The following ZNF469 variants were observed in gnomAD, a reference collection of about 807,000 sequenced individuals.
ZNF469 encodes zinc finger protein 469.
In ZNF469, 1 loss-of-function variant was observed where a neutral mutation model predicts 1.0. The ratio of observed to expected loss-of-function variants is 1.00; its 90% CI spans 0.35 to 4.73. ZNF469 has a LOEUF of 4.73. Ranked by LOEUF, ZNF469 falls within the 30% of genes most tolerant of loss-of-function variation. ZNF469 has a pLI of 0.16. For missense variants in ZNF469, 6,100 were observed against 5,356.3 expected (o/e 1.14, Z -4.33); for synonymous variants, 2,703 against 2,363.4 (o/e 1.14, Z -4.17).
chr16:88,142,392 G>A, the ZNF469 span, among the ~76,000 whole-genome samples: 15 of 152,340 alleles, frequency 9.8e-5, no homozygotes, highest in African/African-American at 3.6e-4. Flanking sequence ...TGGCGGGCCA[G>A]AATCCTGCGA....
At chr16:88,284,938 G>A in the ZNF469 span, among the ~76,000 whole-genome samples, 4,026 of 152,356 alleles carry the variant, frequency 0.026, 197 homozygotes, top group East Asian at 0.16. Context: ...ATTTTGTTTT[G>A]TGCTGATTGC....
chr16:88,321,208 T>A, the ZNF469 span, among the ~76,000 whole-genome samples: 1 of 152,204 alleles, frequency 6.6e-6, no homozygotes, highest in Non-Finnish European at 1.5e-5. Context: ...CCACCTTGGG[T>A]TTCCCCCTCG....
the ZNF469 span, among the ~76,000 whole-genome samples, chr16:88,305,638 A>G: frequency 6.6e-6 from 1 of 151,738 alleles, no homozygotes; most frequent in African/African-American, 2.4e-5. Flanking sequence ...ACACATTCTC[A>G]CAGGCACACA....
chr16:88,165,933 GGT>G, the ZNF469 span, among the ~76,000 whole-genome samples: 1 of 152,108 alleles, frequency 6.6e-6, no homozygotes. Context: ...ATCCACATGG[GGT>G]GTGTCAGAAT....
chr16:88,160,247 G>A, the ZNF469 span, among the ~76,000 whole-genome samples: 1 of 152,220 alleles, frequency 6.6e-6, no homozygotes, highest in African/African-American at 2.4e-5. Context: ...CAAAGAGACG[G>A]CAAATATCAG....
At position 88,436,057 on chromosome 16, in the gene ZNF469, T is replaced by C; in HGVS notation, c.8587T>C (p.Phe2863Leu). Reference sequence around the variant, plus strand: ...TGATGAGGTCTCTTTCTCCCAGCTCTTCCCTCCAGGCGGTCGCTTGACTAG... The same window carrying C: ...TGATGAGGTCTCTTTCTCCCAGCTCCTCCCTCCAGGCGGTCGCTTGACTAG... ...FDDEVSFSQL[F>L]PPGGRLTRKR... Residue 2863 changes from phenylalanine (F) to leucine (L), a missense_variant, in exon 3 of 3, where the codon TTC (phenylalanine) becomes CTC (leucine). Phe to Leu is a conservative substitution (Grantham distance 22, BLOSUM62 0). Coordinates refer to ENST00000565624, the MANE Select transcript of ZNF469 (RefSeq NM_001367624.2). 1 of 1,549,810 alleles carries C rather than the reference T, an allele frequency of 6.5e-7. No individual in the cohort carries two copies. Among genetic ancestry groups the C allele is most frequent in the Non-Finnish European group, 8.7e-7 (1 of 1,146,588 alleles).
the ZNF469 span, among the ~76,000 whole-genome samples, chr16:88,151,466 A>G: frequency 6.6e-6 from 1 of 152,100 alleles, no homozygotes. The surrounding 1 kb of genome is among the most constrained non-coding windows in gnomAD (Gnocchi z 5.4). Flanking sequence ...CTTCCAACCA[A>G]TTTCGCTTTG....
the ZNF469 span, among the ~76,000 whole-genome samples, chr16:88,271,127 T>C: frequency 6.6e-6 from 1 of 151,894 alleles, no homozygotes; most frequent in African/African-American, 2.4e-5. Flanking sequence ...ACCTGCCTTA[T>C]AGGGTTGTTG....
the ZNF469 span, among the ~76,000 whole-genome samples, chr16:88,199,812 A>G: frequency 2.3e-4 from 35 of 152,124 alleles, no homozygotes; most frequent in Non-Finnish European, 4.7e-4. Context: ...CCCACCTGGG[A>G]GTCAGGATGG....
At chr16:88,237,816 C>T in the ZNF469 span, among the ~76,000 whole-genome samples, 1 of 151,760 alleles carries the variant, frequency 6.6e-6, no homozygotes, top group Non-Finnish European at 1.5e-5. Context: ...CCTCCCTGCA[C>T]TCTGTGCTCC....
chr16:88,230,898 A>AT, the ZNF469 span, among the ~76,000 whole-genome samples: 1,524 of 152,176 alleles, frequency 0.01, 24 homozygotes, highest in African/African-American at 0.034. Context: ...TCACAGCGGG[A>AT]GCTGTCAGCA....
chr16:88,347,603 G>A, the ZNF469 span, among the ~76,000 whole-genome samples: 7 of 152,180 alleles, frequency 4.6e-5, no homozygotes, highest in African/African-American at 1.7e-4. Flanking sequence ...GTGATACTTG[G>A]TTATCATGGC....
At chr16:88,147,025 T>C in the ZNF469 span, among the ~76,000 whole-genome samples, 1 of 152,146 alleles carries the variant, frequency 6.6e-6, no homozygotes, top group African/African-American at 2.4e-5. Flanking sequence ...TCCTGATCCC[T>C]GGATCCTGCA....
In ZNF469 at chr16:88,429,245, C is replaced by T. The variant is rs538240075; in HGVS notation, c.1775C>T (p.Pro592Leu). Reference sequence around the variant, plus strand: ...GTGGGAGCCTCCCCCAGCGAGTCCCCACTGCCGTCACCGGCCACCAACACG... The same window carrying T: ...GTGGGAGCCTCCCCCAGCGAGTCCCTACTGCCGTCACCGGCCACCAACACG... ...RVVGASPSESPLPSPATNTAG... is the reference protein window; with the variant it reads ...RVVGASPSESLLPSPATNTAG... Residue 592 changes from proline to leucine, a missense_variant, in exon 3 of 3, where the codon CCA becomes CTA. Coordinates refer to ENST00000565624, the MANE Select transcript of ZNF469 (RefSeq NM_001367624.2). The T allele has an allele frequency of 1.4e-5, 22 of 1,549,788 alleles. No individual in the cohort carries two copies. Among genetic ancestry groups the T allele is most frequent in the Middle Eastern group, 1.7e-4 (1 of 5,992 alleles).
the ZNF469 span, among the ~76,000 whole-genome samples, chr16:88,167,408 A>G: frequency 6.6e-6 from 1 of 152,162 alleles, no homozygotes; most frequent in African/African-American, 2.4e-5. Context: ...GGGTCCCTGC[A>G]TTGCAAGAAG....
At chr16:88,341,054 C>T in the ZNF469 span, among the ~76,000 whole-genome samples, 8 of 152,188 alleles carry the variant, frequency 5.3e-5, no homozygotes, top group Admixed American at 3.9e-4. Flanking sequence ...CTGAGCACCT[C>T]GTCTTCCCCC....
the ZNF469 span, among the ~76,000 whole-genome samples, chr16:88,168,507 G>T: frequency 6.6e-6 from 1 of 152,140 alleles, no homozygotes; most frequent in African/African-American, 2.4e-5. This position sits in a 1 kb window ranked among gnomAD's most constrained non-coding sequence, Gnocchi z 4.3. Flanking sequence ...GGGGTTGCTC[G>T]TGTGTGATTG....
the ZNF469 span, among the ~76,000 whole-genome samples, chr16:88,326,960 C>T: frequency 2.0e-5 from 3 of 152,192 alleles, no homozygotes; most frequent in Non-Finnish European, 2.9e-5. Context: ...TCTCCCTCCC[C>T]GTCGCTCTCC....
rs1348403258 is a variant in ZNF469 at position 88,436,897 on chromosome 16, C to G, written c.9427C>G (p.Pro3143Ala). ...HKLAHTPAPP[P>A]TCYMCVERRF... ...GCTGGCCCACACGCCCGCGCCGCCGCCCACCTGCTACATGTGCGTGGAGCG... is the reference window on the plus strand; with the variant it reads ...GCTGGCCCACACGCCCGCGCCGCCGGCCACCTGCTACATGTGCGTGGAGCG... Residue 3143 changes from proline (P) to alanine (A), a missense_variant, in exon 3 of 3, where the codon CCC becomes GCC. Coordinates refer to ENST00000565624, the MANE Select transcript of ZNF469 (RefSeq NM_001367624.2). 4 of 1,502,578 alleles carry G rather than the reference C, an allele frequency of 2.7e-6. No homozygotes were observed. Among genetic ancestry groups the G allele is most frequent in the Non-Finnish European group, 3.5e-6 (4 of 1,128,482 alleles). 93.1% of individuals were successfully genotyped at this position (1,502,578 alleles called of 1,614,324 possible).
Sources: gnomAD v4.1 joint callset for allele counts (sites outside exome capture counted in the v4.1 genomes callset) on GRCh38, gnomAD v4.1.1 for gene constraint, Gnocchi (gnomAD v3.1) non-coding constraint, MANE v1.5 for transcripts, NCBI Gene and HGNC (gene_info 2026-07-23, HGNC 2026-07-21) for gene names.